GALNTL6: variants seen among roughly 807,000 people sequenced by gnomAD.
The protein encoded by GALNTL6 is polypeptide N-acetylgalactosaminyltransferase like 6.
A neutral mutation model predicts 73.7 loss-of-function variants in GALNTL6; 46 were observed. That is an observed-to-expected ratio of 0.62 (90% CI 0.49 to 0.80). The LOEUF (loss-of-function observed/expected upper bound fraction) is 0.80, where lower values mean the gene tolerates loss of function less well. Among genes scored for constraint, GALNTL6 ranks in the 30% least tolerant of loss-of-function variants. The probability of loss-of-function intolerance (pLI) is 0.00; values close to 1 mark genes in which losing one functional copy is unlikely to be tolerated. For synonymous variants in GALNTL6, 259 were observed against 263.7 expected (o/e 0.98, Z 0.17); for missense variants, 604 against 755.0 (o/e 0.80, Z 2.34).
At chr4:172,487,852 A>C (rs1271279047) in intron 5 of GALNTL6, among the ~76,000 whole-genome samples, 1 of 152,194 alleles carries the variant, frequency 6.6e-6, no homozygotes, top group Non-Finnish European at 1.5e-5. Context: ...TTCATGTCTC[A>C]ACCCTACATG....
chr4:172,830,207 T>C (rs1057209966), intron 7 of GALNTL6, among the ~76,000 whole-genome samples: 5 of 152,188 alleles, frequency 3.3e-5, no homozygotes, highest in African/African-American at 9.6e-5. Context: ...ATGGCAGAGA[T>C]AAAGGAATTC....
chr4:172,838,557 C>T (rs900575578), intron 7 of GALNTL6, among the ~76,000 whole-genome samples: 17 of 152,136 alleles, frequency 1.1e-4, no homozygotes, highest in African/African-American at 3.6e-4. Flanking sequence ...TTAGACAGAG[C>T]GGCTTTCTTT....
In GALNTL6 at chr4:171,913,207, GGAACT is replaced by G. The variant is rs575342529; in HGVS notation, c.138+98491_138+98495del. 1.5e-3 allele frequency among the ~76,000 whole-genome samples: 228 copies of G among 152,302 alleles called. 1 individual carries two copies. Among genetic ancestry groups the G allele is most frequent in the Admixed American group, 9.7e-3 (149 of 15,306 alleles). ...CAGATGCATTTTCTTAGATGGAACT[GGAACT>G]GCTCAGTTGCATAAAGAAAAGAAAG... On this transcript the variant is annotated intron_variant, in intron 2 of 12. Transcript: ENST00000506823.
At chr4:172,076,757 A>C (rs1279814965) in intron 2 of GALNTL6, among the ~76,000 whole-genome samples, 1 of 152,190 alleles carries the variant, frequency 6.6e-6, no homozygotes, top group Non-Finnish European at 1.5e-5. Context: ...ATCTCTACAT[A>C]ATATCTCTGT....
At chr4:171,900,678 T>G (rs1737062700) in intron 2 of GALNTL6, among the ~76,000 whole-genome samples, 2 of 152,024 alleles carry the variant, frequency 1.3e-5, no homozygotes. Flanking sequence ...GATATAGGAC[T>G]TATATGTGAA....
At chr4:171,982,706 C>T (rs1739942368) in intron 2 of GALNTL6, among the ~76,000 whole-genome samples, 1 of 152,178 alleles carries the variant, frequency 6.6e-6, no homozygotes, top group African/African-American at 2.4e-5. Flanking sequence ...TAGATTTCAA[C>T]ATTTGACTTA....
intron 5 of GALNTL6, among the ~76,000 whole-genome samples, chr4:172,371,058 C>T (rs1742789709): frequency 6.6e-6 from 1 of 152,296 alleles, no homozygotes; most frequent in Non-Finnish European, 1.5e-5. Context: ...GTATAAATGT[C>T]TCCTTCCTGA....
At chr4:172,417,712 C>T (rs980080372) in intron 5 of GALNTL6, among the ~76,000 whole-genome samples, 11 of 152,074 alleles carry the variant, frequency 7.2e-5, no homozygotes. Flanking sequence ...TTTTCTGTCA[C>T]TAGATAGTTG....
intron 3 of GALNTL6, among the ~76,000 whole-genome samples, chr4:172,310,638 C>T (rs1042031675): frequency 2.0e-5 from 3 of 151,948 alleles, no homozygotes; most frequent in Non-Finnish European, 4.4e-5. Flanking sequence ...ATATTTATCG[C>T]ACTTCTCACA....
At chr4:172,400,587 C>T (rs1744001206) in intron 5 of GALNTL6, among the ~76,000 whole-genome samples, 1 of 152,012 alleles carries the variant, frequency 6.6e-6, no homozygotes, top group Non-Finnish European at 1.5e-5. Flanking sequence ...ACTTGTGATC[C>T]CTTCTTGAAG....
chr4:171,829,735 G>C (rs1031817984), intron 2 of GALNTL6, among the ~76,000 whole-genome samples: 1 of 151,930 alleles, frequency 6.6e-6, no homozygotes, highest in Admixed American at 6.6e-5. Flanking sequence ...TCAACTACCT[G>C]TTCAGGTAGT....
At chr4:172,249,310 A>G (rs1188828029) in intron 3 of GALNTL6, among the ~76,000 whole-genome samples, 1 of 152,148 alleles carries the variant, frequency 6.6e-6, no homozygotes, top group Non-Finnish European at 1.5e-5. Context: ...CTTGAGAGAG[A>G]TGATTTAGGG....
intron 4 of GALNTL6, among the ~76,000 whole-genome samples, chr4:172,348,108 T>C (rs928028684): frequency 2.0e-5 from 3 of 152,198 alleles, no homozygotes; most frequent in Non-Finnish European, 2.9e-5. Context: ...AACTGACTAA[T>C]TAAACATAAA....
At chr4:172,541,871 G>T (rs1735561490) in intron 5 of GALNTL6, among the ~76,000 whole-genome samples, 3 of 151,892 alleles carry the variant, frequency 2.0e-5, no homozygotes, top group South Asian at 4.2e-4. Flanking sequence ...GAGCCCACTC[G>T]CCCAAATCCT....
intron 7 of GALNTL6, among the ~76,000 whole-genome samples, chr4:172,859,012 C>T (rs1438131691): frequency 8.3e-6 from 1 of 120,572 alleles, no homozygotes; most frequent in Non-Finnish European, 1.8e-5. Context: ...AATGAGTCAA[C>T]AAAATGGAAT....
chr4:172,927,972 T>A (rs1396065192), intron 8 of GALNTL6, among the ~76,000 whole-genome samples: 1 of 152,196 alleles, frequency 6.6e-6, no homozygotes, highest in East Asian at 1.9e-4. Flanking sequence ...CAATGGAAGA[T>A]ATTGTGGTGT....
intron 2 of GALNTL6, among the ~76,000 whole-genome samples, chr4:172,190,589 C>T (rs1038355643): frequency 6.6e-6 from 1 of 151,876 alleles, no homozygotes; most frequent in African/African-American, 2.4e-5. Context: ...CGAGAGAGTA[C>T]ACAGGAAAAA....
chr4:172,326,061 T>A (rs1361651014), intron 4 of GALNTL6, among the ~76,000 whole-genome samples: 2 of 151,638 alleles, frequency 1.3e-5, no homozygotes, highest in African/African-American at 2.4e-5. Context: ...CAGAACAATC[T>A]CCAAAAACTT....
chr4:172,702,285 T>C (rs1734069249), intron 5 of GALNTL6, among the ~76,000 whole-genome samples: 1 of 152,092 alleles, frequency 6.6e-6, no homozygotes, highest in African/African-American at 2.4e-5. Flanking sequence ...ATACATTATT[T>C]TCAGGATACT....
Sources: gnomAD v4.1 joint callset for allele counts (sites outside exome capture counted in the v4.1 genomes callset) on GRCh38, gnomAD v4.1.1 for gene constraint, MANE v1.5 for transcripts, NCBI Gene and HGNC (gene_info 2026-07-23, HGNC 2026-07-21) for gene names.